WAPL: variants seen among roughly 807,000 people sequenced by gnomAD.
The protein encoded by WAPL is WAPL cohesin release factor.
A neutral mutation model predicts 121.0 loss-of-function variants in WAPL; 5 were observed. That is an observed-to-expected ratio of 0.04 (90% CI 0.02 to 0.09). The LOEUF (loss-of-function observed/expected upper bound fraction) is 0.09, where lower values mean the gene tolerates loss of function less well. Ranked by LOEUF, WAPL falls within the 10% of genes least tolerant of loss-of-function variation. The pLI, the probability that WAPL is intolerant of heterozygous loss-of-function variation, is 1.00. For missense variants in WAPL, 999 were observed against 1,410.8 expected (o/e 0.71, Z 4.68); for synonymous variants, 480 against 481.5 (o/e 1.00, Z 0.04).
At chr10:86,492,839 G>C (rs573218985) in intron 4 of WAPL, among the ~76,000 whole-genome samples, 1 of 152,186 alleles carries the variant, frequency 6.6e-6, no homozygotes, top group Non-Finnish European at 1.5e-5. Context: ...AGCAGATCAC[G>C]AGGGTCAGGA....
chr10:86,484,720 A>G (rs1841889510), intron 4 of WAPL, among the ~76,000 whole-genome samples: 1 of 152,108 alleles, frequency 6.6e-6, no homozygotes, highest in African/African-American at 2.4e-5. Context: ...TTTTATATGT[A>G]TTTTTACTGT....
Position 86,500,534 on chromosome 10 carries a change from A to C in WAPL, c.709T>G (p.Phe237Val). Reference protein sequence around the residue: ...PIKGSVRTGLFEWDNDFEDIR... With the variant: ...PIKGSVRTGLVEWDNDFEDIR... ...TCTTCAAAATCATTATCCCATTCAAACAAACCAGTTCTAACAGATCCCTTG... is the reference window on the plus strand; with the variant it reads ...TCTTCAAAATCATTATCCCATTCAACCAAACCAGTTCTAACAGATCCCTTG... Residue 237 changes from phenylalanine to valine, a missense_variant, in exon 3 of 19, where the codon TTT becomes GTT. Around this residue, in one of 7 missense-constraint regions of WAPL, gnomAD observed 531 missense variants for 563.1 expected, o/e 0.94. Transcript: ENST00000298767. The C allele has an allele frequency of 6.2e-7, 1 of 1,614,122 alleles. No homozygotes were observed. The highest frequency in any genetic ancestry group is 8.5e-7 in the Non-Finnish European group (1 of 1,180,012).
rs1842581546 is a variant in WAPL at position 86,517,583 on chromosome 10, A to G, written c.487T>C (p.Leu163=). ...AATCAAAACTTACCTGAAGTTATTA[A>G]TTTATTACAGCTACTTATGCTTGCA... ...DDASISSCNK[L]ITSDKVENFH... Residue 163 remains leucine (L), a synonymous_variant, in exon 2 of 19, where the codon TTA becomes CTA. Transcript: ENST00000298767. 4.4e-6 allele frequency: 7 copies of G among 1,606,400 alleles called. No homozygotes were observed. The highest frequency in any genetic ancestry group is 6.0e-6 in the Non-Finnish European group (7 of 1,175,390).
intron 17 of WAPL, among the ~76,000 whole-genome samples, chr10:86,442,777 C>T (rs1344653080): frequency 6.6e-6 from 1 of 152,100 alleles, no homozygotes; most frequent in Admixed American, 6.6e-5. Flanking sequence ...CGGTGGCTCA[C>T]GCCTGTAATC....
chr10:86,513,241 A>T (rs1221963632), intron 2 of WAPL, among the ~76,000 whole-genome samples: 1 of 150,522 alleles, frequency 6.6e-6, no homozygotes, highest in Admixed American at 6.6e-5. Flanking sequence ...CAAGCGATTC[A>T]CCCGCCTCGG....
At chr10:86,452,515 C>T (rs1347709103) in intron 14 of WAPL, among the ~76,000 whole-genome samples, 2 of 151,998 alleles carry the variant, frequency 1.3e-5, no homozygotes, top group Non-Finnish European at 2.9e-5. Context: ...TAGCTTGAAC[C>T]CAGGAGATGG....
chr10:86,440,649 G>T (rs1185284377), intron 17 of WAPL, among the ~76,000 whole-genome samples: 1 of 151,902 alleles, frequency 6.6e-6, no homozygotes, highest in Non-Finnish European at 1.5e-5. Flanking sequence ...TGTGTGTGAT[G>T]GGTTTCTGAT....
chr10:86,484,756 ATACT>A (rs1333961810), intron 4 of WAPL, among the ~76,000 whole-genome samples: 7 of 152,246 alleles, frequency 4.6e-5, no homozygotes, highest in Non-Finnish European at 7.4e-5. Flanking sequence ...AGATACACAA[ATACT>A]TACCACTGTG....
chr10:86,476,123 T>C (rs1463772075), intron 4 of WAPL, among the ~76,000 whole-genome samples: 2 of 152,190 alleles, frequency 1.3e-5, no homozygotes, highest in African/African-American at 4.8e-5. Context: ...CCCAGCACTT[T>C]GGGAGGCTGA....
intron 4 of WAPL, 99 bp downstream of exon 4, chr10:86,497,101 GT>G (rs1282795210): frequency 2.1e-6 from 2 of 975,234 alleles, no homozygotes; most frequent in Non-Finnish European, 3.1e-6. Context: ...TTGAAAGACA[GT>G]TGCTATGATG....
At position 86,443,237 on chromosome 10, in the gene WAPL, TCAAA is replaced by T. The variant is rs771076799; in HGVS notation, c.3411+34_3411+37del. Reference sequence around the variant, plus strand: ...TATGAAGTCGTTACATTGGAATCTTTCAAAGATACATAAAACATCACTGAACTAT... The same window carrying T: ...TATGAAGTCGTTACATTGGAATCTTTGATACATAAAACATCACTGAACTAT... On this transcript the variant is annotated intron_variant, in intron 17 of 18. Transcript: ENST00000298767. The T allele has an allele frequency of 3.8e-5, 57 of 1,517,044 alleles. No individual in the cohort carries two copies. The African/African-American group carries it at 7.0e-4, about 19-fold the overall frequency. The allele number at this position is 1,517,044 out of a possible 1,614,324, so 94.0% of individuals were successfully genotyped here. A position where few individuals can be genotyped will look rare whatever the true frequency, so the allele number is the denominator to read the frequency against.
At chr10:86,442,623 A>G (rs2132164159) in intron 17 of WAPL, among the ~76,000 whole-genome samples, 1 of 152,292 alleles carries the variant, frequency 6.6e-6, no homozygotes, top group East Asian at 1.9e-4. Flanking sequence ...ACTCCACTCC[A>G]GGCCTTACTT....
At position 86,453,216 on chromosome 10, in the gene WAPL, T is replaced by C; in HGVS notation, c.2949+4A>G. On this transcript the variant is annotated splice_donor_region_variant and intron_variant, in intron 14 of 18. Transcript: ENST00000298767. ...TCATTTCTGAAAAAGTCATTTCAAC[T>C]TACCAGCACTCGAATATCAAATCTC... is the stretch of plus-strand genomic sequence containing the variant. 6.2e-7 allele frequency: 1 copy of C among 1,613,938 alleles called. No homozygotes were observed. Among genetic ancestry groups the C allele is most frequent in the Non-Finnish European group, 8.5e-7 (1 of 1,179,878 alleles).
chr10:86,446,594 C>G (rs1849625673), intron 15 of WAPL, 145 bp from the exon 16 acceptor site: 1 of 948,200 alleles, frequency 1.1e-6, no homozygotes, highest in Non-Finnish European at 1.5e-6. Context: ...TAAGTAAAAG[C>G]TTTTGCTCTA....
chr10:86,459,247 GAA>G (rs1002049840), intron 11 of WAPL, among the ~76,000 whole-genome samples, 182 bp from the exon 12 acceptor site: 15 of 152,104 alleles, frequency 9.9e-5, no homozygotes, highest in African/African-American at 3.4e-4. Flanking sequence ...AATGCTTTAT[GAA>G]AAAATTAAGA....
At chr10:86,475,793 T>C (rs1841637287) in intron 4 of WAPL, among the ~76,000 whole-genome samples, 2 of 152,256 alleles carry the variant, frequency 1.3e-5, no homozygotes, top group Admixed American at 6.5e-5. Flanking sequence ...CTACCTTTAG[T>C]ACCTCAAGCA....
intron 4 of WAPL, among the ~76,000 whole-genome samples, chr10:86,495,089 A>G (rs763507790): frequency 1.8e-4 from 28 of 152,342 alleles, no homozygotes; most frequent in Non-Finnish European, 2.9e-4. Context: ...TTCAATCTAC[A>G]AGAATAAAAG....
rs1195943625 is a variant in WAPL at position 86,521,749 on chromosome 10, C to G, written c.-407G>C. On this transcript the variant is annotated 5_prime_UTR_variant, in exon 1 of 19. Coordinates refer to ENST00000298767, the MANE Select transcript of WAPL (RefSeq NM_015045.5). Reference sequence around the variant, plus strand: ...GAACCATCTCAACGCCATTTGCGCTCCCGGCCCCCACCTCCTTCCTCCAAC... The same window carrying G: ...GAACCATCTCAACGCCATTTGCGCTGCCGGCCCCCACCTCCTTCCTCCAAC... 2 of 447,078 alleles carry G rather than the reference C, an allele frequency of 4.5e-6. No individual in the cohort carries two copies. The highest frequency in any genetic ancestry group is 4.3e-5 in the African/African-American group (2 of 46,946). 27.7% of individuals were successfully genotyped at this position (447,078 alleles called of 1,614,324 possible). A position where few individuals can be genotyped will look rare whatever the true frequency, so the allele number is the denominator to read the frequency against.
chr10:86,468,718 C>T (rs1370747921), intron 8 of WAPL, among the ~76,000 whole-genome samples: 3 of 151,918 alleles, frequency 2.0e-5, no homozygotes, highest in African/African-American at 7.3e-5. Flanking sequence ...AATCCCAGCA[C>T]TTTGGGAGGC....
Sources: gnomAD v4.1 joint callset for allele counts (sites outside exome capture counted in the v4.1 genomes callset) on GRCh38, gnomAD v4.1.1 for gene constraint, gnomAD v4.1.1 regional missense constraint, MANE v1.5 for transcripts, NCBI Gene and HGNC (gene_info 2026-07-23, HGNC 2026-07-21) for gene names.